The following UROC1 variants were observed in gnomAD, a reference collection of about 807,000 sequenced individuals.
UROC1 encodes the protein urocanate hydratase 1, also known as urocanate hydratase.
In UROC1, 79 loss-of-function variants were observed where a neutral mutation model predicts 89.5. That is an observed-to-expected ratio of 0.88 (90% CI 0.74 to 1.06). The LOEUF (loss-of-function observed/expected upper bound fraction) is 1.06. Ranked by LOEUF, UROC1 falls within the 50% of genes least tolerant of loss-of-function variation. UROC1 has a pLI of 0.00. For synonymous variants in UROC1, 361 were observed against 354.8 expected (o/e 1.02, Z -0.20); for missense variants, 885 against 907.8 (o/e 0.97, Z 0.32).
chr3:126,488,801 C>A (rs1227867002), intron 17 of UROC1, among the ~76,000 whole-genome samples: 1 of 152,176 alleles, frequency 6.6e-6, no homozygotes, highest in African/African-American at 2.4e-5. Context: ...AAGGGACAGG[C>A]GCAGGCCAGC....
intron 1 of UROC1, 83 bp downstream of exon 1, chr3:126,517,511 G>C: frequency 6.2e-7 from 1 of 1,606,900 alleles, no homozygotes. Flanking sequence ...CCACTAAGAG[G>C]GCAGGAAGCC....
At chr3:126,502,469 ATG>A (rs1419729742) in intron 9 of UROC1, among the ~76,000 whole-genome samples, 4 of 150,902 alleles carry the variant, frequency 2.7e-5, no homozygotes, top group East Asian at 3.9e-4. Flanking sequence ...TTGTGTGTGC[ATG>A]TGTGTGCATA....
chr3:126,486,726 CAG>C (rs1201706472), intron 18 of UROC1, among the ~76,000 whole-genome samples: 1 of 152,174 alleles, frequency 6.6e-6, no homozygotes, highest in East Asian at 1.9e-4. Flanking sequence ...GAAACTGCTG[CAG>C]AGTTGCGGGG....
chr3:126,483,868 T>C (rs911075145), intron 18 of UROC1, among the ~76,000 whole-genome samples: 1 of 152,232 alleles, frequency 6.6e-6, no homozygotes, highest in African/African-American at 2.4e-5. Flanking sequence ...CATCACTCTT[T>C]CTGGTTTTAT....
At chr3:126,487,760 C>T (rs1322376609) in intron 18 of UROC1, among the ~76,000 whole-genome samples, 2 of 152,260 alleles carry the variant, frequency 1.3e-5, no homozygotes, top group Non-Finnish European at 2.9e-5. Context: ...CTCCTGCCCC[C>T]AGCCCAGCTG....
chr3:126,500,952 C>A, intron 10 of UROC1, 78 bp from the exon 11 acceptor site: 1 of 1,569,512 alleles, frequency 6.4e-7, no homozygotes. Flanking sequence ...GGTGGGGACC[C>A]TAGCACATTT....
intron 1 of UROC1, among the ~76,000 whole-genome samples, chr3:126,517,181 G>A (rs1413363507): frequency 1.3e-5 from 2 of 152,186 alleles, no homozygotes; most frequent in African/African-American, 2.4e-5. Flanking sequence ...CCATGCAGCC[G>A]CACGTTCTCC....
intron 9 of UROC1, among the ~76,000 whole-genome samples, chr3:126,502,500 G>A (rs1028587204): frequency 6.6e-6 from 1 of 150,874 alleles, no homozygotes; most frequent in African/African-American, 2.4e-5. Context: ...GTTTATGCAT[G>A]TTAGTGTGTA....
intron 18 of UROC1, among the ~76,000 whole-genome samples, chr3:126,485,617 G>A (rs1252367168): frequency 6.7e-6 from 1 of 148,716 alleles, no homozygotes; most frequent in Non-Finnish European, 1.5e-5. Flanking sequence ...TTGGTAGAGA[G>A]GGTGTCTCAC....
chr3:126,504,945 C>G (rs532932873), intron 8 of UROC1, among the ~76,000 whole-genome samples: 1 of 152,266 alleles, frequency 6.6e-6, no homozygotes, highest in South Asian at 2.1e-4. Context: ...CATGGGGCAG[C>G]TTCCTCATGA....
At chr3:126,494,240 G>A (rs1201765828) in intron 15 of UROC1, among the ~76,000 whole-genome samples, 1 of 152,198 alleles carries the variant, frequency 6.6e-6, no homozygotes. Context: ...GGAGGCACAC[G>A]ATCTCCAGGG....
At chr3:126,494,074 T>A (rs1935718962) in intron 15 of UROC1, among the ~76,000 whole-genome samples, 1 of 152,208 alleles carries the variant, frequency 6.6e-6, no homozygotes, top group Non-Finnish European at 1.5e-5. Flanking sequence ...CTGCAGAGAT[T>A]TTCAGATTTT....
At chr3:126,505,411 T>C (rs1030381394) in intron 8 of UROC1, among the ~76,000 whole-genome samples, 1 of 152,136 alleles carries the variant, frequency 6.6e-6, no homozygotes, top group Non-Finnish European at 1.5e-5. Flanking sequence ...ACAGGAAAGC[T>C]ATACCCATAA....
chr3:126,514,178 T>C (rs1327406024), intron 1 of UROC1, among the ~76,000 whole-genome samples: 1 of 152,228 alleles, frequency 6.6e-6, no homozygotes, highest in Non-Finnish European at 1.5e-5. Flanking sequence ...TGCAAACATC[T>C]GCTGCTGTCA....
chr3:126,502,247 GTGTT>G (rs1183931816), intron 9 of UROC1, among the ~76,000 whole-genome samples: 1 of 151,456 alleles, frequency 6.6e-6, no homozygotes, highest in Non-Finnish European at 1.5e-5. Flanking sequence ...ATGTGTCTGT[GTGTT>G]TATGTGTGTG....
At chr3:126,501,760 A>G in intron 9 of UROC1, 1 of 1,591,554 alleles carries the variant, frequency 6.3e-7, no homozygotes, top group Non-Finnish European at 8.5e-7. Context: ...TGCACAGGGA[A>G]GGTGGTATGG....
At chr3:126,503,724 C>T (rs943523765) in intron 9 of UROC1, among the ~76,000 whole-genome samples, 5 of 152,268 alleles carry the variant, frequency 3.3e-5, no homozygotes, top group Non-Finnish European at 7.3e-5. Flanking sequence ...ACACCAAGCC[C>T]ACAGCCCAGT....
rs770815531 is a variant in UROC1, at chr3:126,508,523, A to G, written c.352-48T>C. 7 of 1,517,544 alleles carry G rather than the reference A, an allele frequency of 4.6e-6. No individual in the cohort carries two copies. In the East Asian group the frequency reaches 6.9e-5, roughly 15 times the overall value. 94.0% of individuals were successfully genotyped at this position (1,517,544 alleles called of 1,614,324 possible). On this transcript the variant is annotated intron_variant, in intron 3 of 19. Transcript: ENST00000290868. ...TGAGATGAGGGCCTGGGAAGGGCCTATGGAGTTGCAGACAGGGAGAGAAAG... is the reference window on the plus strand; with the variant it reads ...TGAGATGAGGGCCTGGGAAGGGCCTGTGGAGTTGCAGACAGGGAGAGAAAG...
chr3:126,512,043 C>T (rs777487), intron 1 of UROC1, among the ~76,000 whole-genome samples: 48,982 of 152,138 alleles, frequency 0.32, 8,066 homozygotes, highest in Admixed American at 0.38. Context: ...ACCTAACAGG[C>T]ATGCAATAAA....
Sources: allele counts gnomAD v4.1 joint callset (sites outside exome capture counted in the v4.1 genomes callset), GRCh38; gene constraint gnomAD v4.1.1; transcripts MANE v1.5; gene names NCBI Gene and HGNC (gene_info 2026-07-23, HGNC 2026-07-21).